CACNA1A: variants seen among roughly 807,000 people sequenced by gnomAD.
CACNA1A encodes the protein voltage-dependent P/Q-type calcium channel subunit alpha-1A.
A neutral mutation model predicts 262.4 loss-of-function variants in CACNA1A; 57 were observed. The observed-to-expected ratio is 0.22, with a 90% confidence interval of 0.18 to 0.27. CACNA1A has a LOEUF of 0.27. Ranked by LOEUF, CACNA1A falls within the 10% of genes least tolerant of loss-of-function variation. The pLI is 1.00. For synonymous variants in CACNA1A, 1,431 were observed against 1,419.3 expected, an observed-to-expected ratio of 1.01 and a Z score of -0.18; for missense variants, 2,526 against 3,562.8, an observed-to-expected ratio of 0.71 and a Z score of 7.41.
At chr19:13,378,714 G>A (rs2059459405) in intron 3 of CACNA1A, among the ~76,000 whole-genome samples, 2 of 151,744 alleles carry the variant, frequency 1.3e-5, no homozygotes, top group African/African-American at 4.8e-5. Flanking sequence ...CCAGGCTGGA[G>A]TGCAGCAGTG....
intron 6 of CACNA1A, among the ~76,000 whole-genome samples, chr19:13,338,275 T>C (rs996949890): frequency 6.6e-6 from 1 of 150,714 alleles, no homozygotes; most frequent in African/African-American, 2.5e-5. Context: ...ATAATCACTG[T>C]TATGTATTCG....
rs1024094926 is a variant in CACNA1A at position 13,371,542 on chromosome 19, G to C, written c.631+146C>G. 3.4e-4 allele frequency: 215 copies of C among 628,860 alleles called. 1 individual carries two copies. In the South Asian group the frequency reaches 4.0e-3, roughly 12 times the overall value. The allele number at this position is 628,860 out of a possible 1,614,324, so 39.0% of individuals were successfully genotyped here. ...GGAGCTACAGTCATATTCCTAGGGG[G>C]TTCCCTATAGGGAGTCCCAAAGAAG... On this transcript the variant is annotated intron_variant, in intron 4 of 46. Transcript: ENST00000360228.
At chr19:13,402,919 T>G (rs1425691644) in intron 3 of CACNA1A, among the ~76,000 whole-genome samples, 1 of 119,430 alleles carries the variant, frequency 8.4e-6, no homozygotes, top group Non-Finnish European at 1.7e-5. Context: ...TATATATACT[T>G]GCAAGTGAAA....
At chr19:13,348,669 T>C (rs371812297) in intron 6 of CACNA1A, among the ~76,000 whole-genome samples, 61 of 152,126 alleles carry the variant, frequency 4.0e-4, no homozygotes, top group East Asian at 1.9e-3. Flanking sequence ...AACCCCGTCT[T>C]TACTAAAATA....
chr19:13,429,913 G>T (rs984118664), intron 3 of CACNA1A, among the ~76,000 whole-genome samples: 11 of 148,794 alleles, frequency 7.4e-5, no homozygotes, highest in African/African-American at 2.7e-4. Context: ...ACCCAAAGTA[G>T]CCAAATTCAC....
chr19:13,385,230 CTTTTTTT>C (rs911743392), intron 3 of CACNA1A, among the ~76,000 whole-genome samples: 1 of 139,666 alleles, frequency 7.2e-6, no homozygotes, highest in Non-Finnish European at 1.5e-5. Context: ...TTCTTTCTTT[CTTTTTTT>C]TTTTTTTTTT....
intron 3 of CACNA1A, among the ~76,000 whole-genome samples, chr19:13,418,946 T>G (rs1422746422): frequency 1.3e-5 from 2 of 152,142 alleles, no homozygotes; most frequent in Non-Finnish European, 2.9e-5. Context: ...CAGGCTGGAG[T>G]GCAGTGGCAT....
rs762686149 is a variant in CACNA1A, at chr19:13,275,839, A to G, written c.3989+11T>C. The G allele has an allele frequency of 1.7e-5, 27 of 1,580,126 alleles. No individual in the cohort carries two copies. Among genetic ancestry groups the G allele is most frequent in the Non-Finnish European group, 2.3e-5 (26 of 1,149,224 alleles). On this transcript the variant is annotated intron_variant, in intron 24 of 46. Transcript: ENST00000360228. ...AAAAGAGGCAAGAGGAACCCTTGCG[A>G]GGAGACTTACGTGAAGGCAAAGGCT... is the stretch of plus-strand genomic sequence containing the variant.
At chr19:13,262,897 G>A in intron 24 of CACNA1A, 64 bp from the exon 25 acceptor site, 1 of 1,110,364 alleles carries the variant, frequency 9.0e-7, no homozygotes, top group African/African-American at 1.5e-5. Flanking sequence ...TTGGGTAGGG[G>A]GCAGCCCACA....
Position 13,298,613 on chromosome 19 carries a change from T to C in CACNA1A, c.3020A>G (p.His1007Arg). ...CCCCTCGTACGTGGCTGGAGCGCCA[T>C]GCCGGTGCCTTCTCCTGCGCTCGCC... ...DGGERRRRHR[H>R]GAPATYEGDA... is the part of the protein sequence containing the mutation. The change falls in exon 19 of 47, where the codon CAT (histidine) becomes CGT (arginine). Residue 1007 changes from histidine (H) to arginine (R), a missense_variant. By Grantham distance (29) the His-to-Arg change is conservative. Transcript: ENST00000360228. The C allele has an allele frequency of 6.5e-7, 1 of 1,536,166 alleles. No individual in the cohort carries two copies. The highest frequency in any genetic ancestry group is 8.8e-7 in the Non-Finnish European group (1 of 1,140,020).
intron 24 of CACNA1A, among the ~76,000 whole-genome samples, chr19:13,268,485 G>C (rs539865330): frequency 2.0e-5 from 3 of 150,322 alleles, no homozygotes; most frequent in Middle Eastern, 3.4e-3. Context: ...CCAGGCTGGA[G>C]TGCAGTGGCA....
chr19:13,499,458 G>GC (rs1379405757), intron 1 of CACNA1A, among the ~76,000 whole-genome samples: 1 of 129,448 alleles, frequency 7.7e-6, no homozygotes, highest in East Asian at 2.4e-4. Flanking sequence ...GGTGGGGGGG[G>GC]GCACTTCGCT....
chr19:13,450,600 C>G (rs1156576452), intron 3 of CACNA1A: 3 of 152,140 alleles, frequency 2.0e-5, no homozygotes, highest in Non-Finnish European at 4.4e-5. Context: ...ACTGCTGTGT[C>G]CCAGAGCCTA....
intron 1 of CACNA1A, among the ~76,000 whole-genome samples, chr19:13,469,087 A>G (rs1003934335): frequency 6.6e-6 from 1 of 152,144 alleles, no homozygotes. Context: ...AAGGCCCCCA[A>G]GAAAGTCAGC....
intron 24 of CACNA1A, among the ~76,000 whole-genome samples, chr19:13,267,677 T>G (rs1342098457): frequency 6.6e-6 from 1 of 152,052 alleles, no homozygotes; most frequent in African/African-American, 2.4e-5. Context: ...GTGCCGTGGC[T>G]CACAGCTATA....
intron 44 of CACNA1A, 108 bp from the exon 45 acceptor site, chr19:13,209,606 G>T: frequency 1.2e-6 from 1 of 810,996 alleles, no homozygotes; most frequent in East Asian, 3.3e-5. Flanking sequence ...GGTGACTGCG[G>T]TGTGACCATC....
Position 13,212,618 on chromosome 19 carries a change from G to A in CACNA1A, c.6050+13C>T. 6.6e-7 allele frequency: 1 copy of A among 1,513,442 alleles called. No individual in the cohort carries two copies. The highest frequency in any genetic ancestry group is 8.9e-7 in the Non-Finnish European group (1 of 1,124,798). The allele number at this position is 1,513,442 out of a possible 1,614,324, so 93.8% of individuals were successfully genotyped here. A position where few individuals can be genotyped will look rare whatever the true frequency, so the allele number is the denominator to read the frequency against. On this transcript the variant is annotated intron_variant, in intron 41 of 46. Coordinates refer to ENST00000360228, the MANE Select transcript of CACNA1A (RefSeq NM_001127222.2). The surrounding 1 kb of genome is among the most constrained non-coding windows in gnomAD (Gnocchi z 5.6). ...CCCCCACACTCCACCTCCCTGGCAGGGGTGACACTCACAGGGCTCCTCCTG... is the reference window on the plus strand; with the variant it reads ...CCCCCACACTCCACCTCCCTGGCAGAGGTGACACTCACAGGGCTCCTCCTG...
At chr19:13,466,638 T>C (rs937754201) in intron 1 of CACNA1A, among the ~76,000 whole-genome samples, 1 of 150,486 alleles carries the variant, frequency 6.6e-6, no homozygotes, top group East Asian at 2.0e-4. Flanking sequence ...ACCATGCCCA[T>C]CCGAGACTCT....
Position 13,298,911 on chromosome 19 carries a change from C to G in CACNA1A, c.2722G>C (p.Gly908Arg). Residue 908 changes from glycine (G) to arginine (R), a missense_variant, in exon 19 of 47, where the codon GGC becomes CGC. This residue lies in a region of CACNA1A where 765 missense variants were observed against 748.6 expected (regional missense o/e 1.02). Coordinates refer to ENST00000360228, the MANE Select transcript of CACNA1A (RefSeq NM_001127222.2). The part of the protein sequence containing the change: ...GRESDHHARE[G>R]SLEQPGFWEG... Reference sequence around the variant, plus strand: ...CAGAACCCGGGTTGCTCCAGGCTGCCCTCCCGGGCGTGGTGGTCCGACTCG... The same window carrying G: ...CAGAACCCGGGTTGCTCCAGGCTGCGCTCCCGGGCGTGGTGGTCCGACTCG... The G allele has an allele frequency of 6.3e-7, 1 of 1,594,754 alleles. No homozygotes were observed. The highest frequency in any genetic ancestry group is 8.5e-7 in the Non-Finnish European group (1 of 1,177,912).
Sources: gnomAD v4.1 joint callset for allele counts (sites outside exome capture counted in the v4.1 genomes callset) on GRCh38, gnomAD v4.1.1 for gene constraint, gnomAD v4.1.1 regional missense constraint, Gnocchi (gnomAD v3.1) non-coding constraint, MANE v1.5 for transcripts, NCBI Gene and HGNC (gene_info 2026-07-23, HGNC 2026-07-21) for gene names.